The following PKN2 variants were observed in gnomAD, a reference collection of about 807,000 sequenced individuals.
The protein encoded by PKN2 is protein kinase N2.
Under a neutral mutation model 119.1 loss-of-function variants are expected in PKN2, and 38 were observed. The observed-to-expected ratio is 0.32, with a 90% CI of 0.25 to 0.42. The LOEUF is 0.42. Among genes scored for constraint, PKN2 ranks in the 10% least tolerant of loss-of-function variants. PKN2 has a pLI of 1.00. For missense variants in PKN2, 850 were observed against 1,165.1 expected, an observed-to-expected ratio of 0.73 and a Z score of 3.94; for synonymous variants, 390 against 384.9, an observed-to-expected ratio of 1.01 and a Z score of -0.15.
At position 88,805,999 on chromosome 1, in the gene PKN2, T is replaced by G. The variant is rs985966669; in HGVS notation, c.1785T>G (p.Val595=). 1 of 1,613,478 alleles carries G rather than the reference T, an allele frequency of 6.2e-7. No homozygotes were observed. Among genetic ancestry groups the G allele is most frequent in the Admixed American group, 1.7e-5 (1 of 60,010 alleles). ...TAGATGAATCTTCTGAATTAAGAGT[T>G]TTGGATATACCAGGACAGGCAAGCC... ...GEIDESSELR[V]LDIPGQDSET... Residue 595 remains valine (V), a synonymous_variant, in exon 12 of 22, where the codon GTT becomes GTG. Coordinates refer to ENST00000370521, the MANE Select transcript of PKN2 (RefSeq NM_006256.4).
chr1:88,771,949 AAGAAAAACCTGTGCATAG>A, intron 6 of PKN2, 70 bp downstream of exon 6: 2 of 993,280 alleles, frequency 2.0e-6, no homozygotes, highest in Non-Finnish European at 3.1e-6. Context: ...TAATAATTGA[AAGAAAAACCTGTGCATAG>A]ATTTTTAAAA....
chr1:88,815,817 C>T (rs1451127066), intron 16 of PKN2, among the ~76,000 whole-genome samples: 1 of 152,132 alleles, frequency 6.6e-6, no homozygotes, highest in Non-Finnish European at 1.5e-5. Flanking sequence ...AGATGGTATA[C>T]GCAATTAATC....
At chr1:88,742,146 A>G (rs149902241) in intron 2 of PKN2, among the ~76,000 whole-genome samples, 19 of 152,236 alleles carry the variant, frequency 1.2e-4, no homozygotes, top group Admixed American at 7.8e-4. Context: ...GTAACTGTCA[A>G]TTTTTTTATT....
intron 6 of PKN2, among the ~76,000 whole-genome samples, chr1:88,775,256 TG>T (rs954763602): frequency 3.9e-5 from 6 of 152,138 alleles, no homozygotes; most frequent in African/African-American, 1.4e-4. Context: ...GAGCTACTTA[TG>T]CCTGGTCTTT....
At chr1:88,727,888 T>TA (rs763949411) in intron 1 of PKN2, among the ~76,000 whole-genome samples, 2 of 152,160 alleles carry the variant, frequency 1.3e-5, no homozygotes, top group Non-Finnish European at 2.9e-5. Flanking sequence ...CAGCACCCTC[T>TA]AACAGCAAGG....
chr1:88,798,256 A>G (rs1213576125), intron 8 of PKN2, among the ~76,000 whole-genome samples: 4 of 151,638 alleles, frequency 2.6e-5, no homozygotes, highest in Admixed American at 1.3e-4. Context: ...TATTAAATAT[A>G]TAATATAAAA....
At chr1:88,763,236 A>C (rs946848220) in intron 3 of PKN2, among the ~76,000 whole-genome samples, 1 of 152,240 alleles carries the variant, frequency 6.6e-6, no homozygotes, top group African/African-American at 2.4e-5. Context: ...ATTACCTTAA[A>C]AGATAGATGG....
At chr1:88,743,369 A>T (rs1284715605) in intron 2 of PKN2, among the ~76,000 whole-genome samples, 1 of 152,084 alleles carries the variant, frequency 6.6e-6, no homozygotes, top group Non-Finnish European at 1.5e-5. Context: ...CTAACCCATG[A>T]TCCCCAACCC....
At chr1:88,808,946 T>G (rs1407513329) in intron 15 of PKN2, among the ~76,000 whole-genome samples, 1 of 152,322 alleles carries the variant, frequency 6.6e-6, no homozygotes, top group Middle Eastern at 3.4e-3. Context: ...ACTCATATAT[T>G]TAAAAATATA....
intron 2 of PKN2, among the ~76,000 whole-genome samples, chr1:88,755,538 ACTT>A (rs1387604212): frequency 1.3e-5 from 2 of 152,284 alleles, no homozygotes; most frequent in East Asian, 3.9e-4. Flanking sequence ...AACCTTTATG[ACTT>A]CTTGTGAAGA....
intron 8 of PKN2, among the ~76,000 whole-genome samples, chr1:88,788,542 T>G (rs1670679475): frequency 1.3e-5 from 2 of 152,018 alleles, no homozygotes; most frequent in Admixed American, 6.6e-5. Context: ...GCCTCCCAGG[T>G]TCGAGTGATT....
At chr1:88,818,851 A>G (rs1672127328) in intron 16 of PKN2, among the ~76,000 whole-genome samples, 1 of 152,128 alleles carries the variant, frequency 6.6e-6, no homozygotes, top group Non-Finnish European at 1.5e-5. Flanking sequence ...ATGGAACAGA[A>G]CAGAGGCCTC....
intron 2 of PKN2, among the ~76,000 whole-genome samples, chr1:88,751,184 A>C (rs1168692001): frequency 6.6e-6 from 1 of 151,868 alleles, no homozygotes; most frequent in Non-Finnish European, 1.5e-5. Context: ...CTCTATACTT[A>C]GGCACGTGTG....
chr1:88,804,928 A>G lies in PKN2; in HGVS notation c.1501+7A>G. 7.5e-7 allele frequency: 1 copy of G among 1,330,632 alleles called. No homozygotes were observed. The highest frequency in any genetic ancestry group is 1.1e-6 in the Non-Finnish European group (1 of 935,314). 82.4% of individuals were successfully genotyped at this position (1,330,632 alleles called of 1,614,324 possible). On this transcript the variant is annotated splice_region_variant and intron_variant, in intron 10 of 21. Transcript: ENST00000370521. ...ATTTTTTCAAAGCAACAAGGTAATT[A>G]CTAACAATCAAATGCATAGCATTTT...
At chr1:88,720,829 CT>C (rs1183000122) in intron 1 of PKN2, among the ~76,000 whole-genome samples, 2 of 152,134 alleles carry the variant, frequency 1.3e-5, no homozygotes, top group East Asian at 3.9e-4. Context: ...ATTCTTACGC[CT>C]TTGCATCTCA....
intron 1 of PKN2, among the ~76,000 whole-genome samples, chr1:88,713,302 T>C (rs367741469): frequency 6.6e-6 from 1 of 152,152 alleles, no homozygotes; most frequent in Non-Finnish European, 1.5e-5. Context: ...TTAATGGGAT[T>C]GCTGGGTCAA....
intron 6 of PKN2, among the ~76,000 whole-genome samples, chr1:88,776,024 C>T (rs1231313148): frequency 2.0e-5 from 3 of 150,724 alleles, no homozygotes; most frequent in African/African-American, 7.3e-5. Flanking sequence ...AGGAGAATGG[C>T]GTGAACCTGG....
chr1:88,760,890 T>C (rs1010057795), intron 3 of PKN2, among the ~76,000 whole-genome samples: 22 of 152,308 alleles, frequency 1.4e-4, no homozygotes, highest in Non-Finnish European at 1.2e-4. Context: ...GAGCTTTCCA[T>C]ATCTGCAACT....
chr1:88,721,046 C>T (rs1667657020), intron 1 of PKN2, among the ~76,000 whole-genome samples: 1 of 152,100 alleles, frequency 6.6e-6, no homozygotes, highest in South Asian at 2.1e-4. Context: ...TGGGCTGGTT[C>T]TGTATTTTTG....
Sources: gnomAD v4.1 joint callset for allele counts (sites outside exome capture counted in the v4.1 genomes callset) on GRCh38, gnomAD v4.1.1 for gene constraint, MANE v1.5 for transcripts, NCBI Gene and HGNC (gene_info 2026-07-23, HGNC 2026-07-21) for gene names.